EYS: variants seen among roughly 807,000 people sequenced by gnomAD.
EYS encodes the protein protein eyes shut homolog.
In EYS, 250 loss-of-function variants were observed where a neutral mutation model predicts 282.1. The ratio of observed to expected loss-of-function variants is 0.89; its 90% CI spans 0.80 to 0.98. EYS has a LOEUF of 0.98. Ranked by LOEUF, EYS falls within the 50% of genes least tolerant of loss-of-function variation. The pLI is 0.00. For missense variants in EYS, 4,016 were observed against 3,709.0 expected (o/e 1.08, Z -2.15); for synonymous variants, 1,355 against 1,282.9 (o/e 1.06, Z -1.20).
At chr6:63,850,809 A>G (rs1199127993) in intron 36 of EYS, among the ~76,000 whole-genome samples, 3 of 152,250 alleles carry the variant, frequency 2.0e-5, no homozygotes, top group African/African-American at 4.8e-5. Flanking sequence ...GACAAGATCA[A>G]ATTCACACAT....
At chr6:65,426,380 A>AT (rs1487425684) in intron 5 of EYS, among the ~76,000 whole-genome samples, 1 of 152,108 alleles carries the variant, frequency 6.6e-6, no homozygotes, top group Non-Finnish European at 1.5e-5. Flanking sequence ...GTAACCTTGC[A>AT]TTTAGTGGCT....
intron 1 of EYS, among the ~76,000 whole-genome samples, chr6:65,682,334 G>A (rs1313579189): frequency 6.6e-6 from 1 of 151,716 alleles, no homozygotes; most frequent in Admixed American, 6.6e-5. Context: ...AGAAAACATG[G>A]TATTTATTAT....
chr6:65,007,252 G>T (rs1771703355), intron 13 of EYS, among the ~76,000 whole-genome samples: 1 of 152,162 alleles, frequency 6.6e-6, no homozygotes. Context: ...ATCGGAAAAT[G>T]ACTAGGGGTG....
At chr6:63,937,063 G>A (rs1036323454) in intron 35 of EYS, among the ~76,000 whole-genome samples, 1 of 152,148 alleles carries the variant, frequency 6.6e-6, no homozygotes, top group Non-Finnish European at 1.5e-5. Flanking sequence ...CAGAACTAGG[G>A]TGTTAGTGAG....
chr6:65,690,928 C>T (rs997437282), intron 1 of EYS, among the ~76,000 whole-genome samples: 1 of 150,336 alleles, frequency 6.7e-6, no homozygotes, highest in South Asian at 2.1e-4. Flanking sequence ...TTTTTTATGG[C>T]TGCACAGTAT....
At chr6:65,293,490 C>G (rs1768582814) in intron 12 of EYS, among the ~76,000 whole-genome samples, 1 of 151,798 alleles carries the variant, frequency 6.6e-6, no homozygotes, top group Non-Finnish European at 1.5e-5. Context: ...TTCAAGAACT[C>G]CAGAGATTAG....
chr6:63,812,746 C>T (rs1771080792), intron 36 of EYS, among the ~76,000 whole-genome samples: 1 of 152,038 alleles, frequency 6.6e-6, no homozygotes, highest in Admixed American at 6.6e-5. Flanking sequence ...AACTATTCTG[C>T]ACTTATAGAG....
intron 32 of EYS, among the ~76,000 whole-genome samples, chr6:64,076,944 A>T (rs948495583): frequency 6.6e-6 from 1 of 152,022 alleles, no homozygotes. Context: ...AACTAGGGAT[A>T]TATAGACCAT....
chr6:64,597,016 A>T (rs1766606906), intron 24 of EYS, among the ~76,000 whole-genome samples: 1 of 152,182 alleles, frequency 6.6e-6, no homozygotes, highest in South Asian at 2.1e-4. Context: ...CTCAACAACA[A>T]TAAAAAATAT....
rs892286444 is a variant in EYS, at chr6:65,094,820, G to A, written c.2024-37093C>T. The stretch of plus-strand genomic sequence containing the variant: ...CTCTATACCTCAAGAAGCTGGAAAA[G>A]GAATAACAAATTAAGCACAAAATTA... On this transcript the variant is annotated intron_variant, in intron 12 of 42. Coordinates refer to ENST00000503581, the MANE Select transcript of EYS (RefSeq NM_001142800.2). Among the ~76,000 whole-genome samples, 10 of 150,834 alleles carry A rather than the reference G, an allele frequency of 6.6e-5. No homozygotes were observed. In the South Asian group the frequency reaches 2.1e-3, roughly 31 times the overall value.
At chr6:65,114,181 T>C (rs1775299319) in intron 12 of EYS, among the ~76,000 whole-genome samples, 1 of 152,010 alleles carries the variant, frequency 6.6e-6, no homozygotes, top group Admixed American at 6.6e-5. Context: ...ACTCACTGTA[T>C]TTATTCTCTC....
intron 14 of EYS, among the ~76,000 whole-genome samples, chr6:64,960,203 G>T (rs1769865763): frequency 3.3e-5 from 5 of 151,318 alleles, no homozygotes; most frequent in Admixed American, 3.3e-4. Context: ...TATAATGAGA[G>T]GAAATTACTA....
intron 19 of EYS, among the ~76,000 whole-genome samples, chr6:64,823,591 T>C (rs996810268): frequency 6.6e-6 from 1 of 151,994 alleles, no homozygotes; most frequent in Non-Finnish European, 1.5e-5. Context: ...TAATAAAAAC[T>C]AGCATTGACT....
At chr6:64,531,743 T>G (rs1764350657) in intron 26 of EYS, among the ~76,000 whole-genome samples, 1 of 152,050 alleles carries the variant, frequency 6.6e-6, no homozygotes, top group Non-Finnish European at 1.5e-5. Flanking sequence ...TAAAATTAAA[T>G]TTTAAACTAA....
chr6:65,508,958 T>TG (rs1269696393), intron 2 of EYS, among the ~76,000 whole-genome samples: 1 of 152,164 alleles, frequency 6.6e-6, no homozygotes, highest in Non-Finnish European at 1.5e-5. Flanking sequence ...TCTGAAAGTG[T>TG]GGGGACCTAC....
intron 15 of EYS, among the ~76,000 whole-genome samples, chr6:64,919,496 A>G (rs1212273370): frequency 6.9e-6 from 1 of 145,194 alleles, no homozygotes; most frequent in African/African-American, 2.5e-5. Context: ...TTTTAATATT[A>G]ATAGAAAAAG....
chr6:63,832,803 T>C (rs1771683702), intron 36 of EYS, among the ~76,000 whole-genome samples: 2 of 152,094 alleles, frequency 1.3e-5, no homozygotes, highest in Admixed American at 6.6e-5. Context: ...TGAACATCAA[T>C]GTAAAAATCC....
intron 32 of EYS, among the ~76,000 whole-genome samples, chr6:64,071,231 A>T (rs566242313): frequency 6.6e-6 from 1 of 152,066 alleles, no homozygotes; most frequent in Non-Finnish European, 1.5e-5. Flanking sequence ...TTGAAATGAG[A>T]AAATAATTTA....
intron 5 of EYS, among the ~76,000 whole-genome samples, chr6:65,478,381 A>C (rs1045206381): frequency 6.6e-6 from 1 of 152,156 alleles, no homozygotes; most frequent in Non-Finnish European, 1.5e-5. Flanking sequence ...TATTCACAAA[A>C]TGGTGGACAT....
Sources: gnomAD v4.1 joint callset for allele counts (sites outside exome capture counted in the v4.1 genomes callset) on GRCh38, gnomAD v4.1.1 for gene constraint, MANE v1.5 for transcripts, NCBI Gene and HGNC (gene_info 2026-07-23, HGNC 2026-07-21) for gene names.